SMIM19: variants seen among roughly 807,000 people sequenced by gnomAD.
SMIM19 encodes the protein small integral membrane protein 19.
A neutral mutation model predicts 13.2 loss-of-function variants in SMIM19; 6 were observed. The ratio of observed to expected loss-of-function variants is 0.45; its 90% CI spans 0.25 to 0.90. The LOEUF (loss-of-function observed/expected upper bound fraction) is 0.90, where lower values mean the gene tolerates loss of function less well. SMIM19 is among the 40% of genes least tolerant of loss of function. The probability of loss-of-function intolerance (pLI) is 0.19; values close to 1 mark genes in which losing one functional copy is unlikely to be tolerated. For synonymous variants in SMIM19, 46 were observed against 43.1 expected, an observed-to-expected ratio of 1.07 and a Z score of -0.27; for missense variants, 138 against 131.0, an observed-to-expected ratio of 1.05 and a Z score of -0.26.
At chr8:42,546,661 G>C (rs924796651) in intron 2 of SMIM19, 55 bp downstream of exon 2, 4 of 1,577,128 alleles carry the variant, frequency 2.5e-6, no homozygotes, top group Admixed American at 1.9e-5. Flanking sequence ...AGTTTTGCTA[G>C]TTTAAGAAAT....
rs1488996422 is a variant in SMIM19 at position 42,554,121 on chromosome 8, A to G, written c.*1513A>G. ...AGGGAAATTGCATTTACTTTTAAAA[A>G]TGTGTTGTTCAAAAATGTATATATA... On this transcript the variant is annotated 3_prime_UTR_variant, in exon 4 of 4. Coordinates refer to ENST00000417410, the MANE Select transcript of SMIM19 (RefSeq NM_001135674.2). 1 of 152,256 alleles carries G rather than the reference A, an allele frequency of 6.6e-6. No homozygotes were observed. Among genetic ancestry groups the G allele is most frequent in the Non-Finnish European group, 1.5e-5 (1 of 68,046 alleles). 9.4% of individuals were successfully genotyped at this position (152,256 alleles called of 1,614,324 possible).
At chr8:42,549,135 CG>C (rs975373092) in intron 3 of SMIM19, among the ~76,000 whole-genome samples, 20 of 152,062 alleles carry the variant, frequency 1.3e-4, no homozygotes, top group African/African-American at 4.8e-4. Flanking sequence ...ACATTCTGGC[CG>C]GGAGTGGTGG....
At position 42,548,718 on chromosome 8, in the gene SMIM19, C is replaced by T; in HGVS notation, c.197C>T (p.Pro66Leu). 1 of 1,613,820 alleles carries T rather than the reference C, an allele frequency of 6.2e-7. No individual in the cohort carries two copies. The highest frequency in any genetic ancestry group is 8.5e-7 in the Non-Finnish European group (1 of 1,179,908). The change falls in exon 3 of 4, where the codon CCC (proline) becomes CTC (leucine). Residue 66 changes from proline (P) to leucine (L), a missense_variant. Coordinates refer to ENST00000417410, the MANE Select transcript of SMIM19 (RefSeq NM_001135674.2). ...CCTACAGAGGAAACTTTGTCAGAGC[C>T]CAACTTTTATGACACGATAAGCAAG... ...VPPTEETLSE[P>L]NFYDTISKIR... is the part of the protein sequence containing the mutation.
At chr8:42,543,418 A>C (rs1813350585) in intron 1 of SMIM19, among the ~76,000 whole-genome samples, 1 of 152,212 alleles carries the variant, frequency 6.6e-6, no homozygotes, top group African/African-American at 2.4e-5. Flanking sequence ...CAAATCTTTC[A>C]CAACTACACT....
At chr8:42,549,200 TC>T in intron 3 of SMIM19, among the ~76,000 whole-genome samples, 1 of 151,970 alleles carries the variant, frequency 6.6e-6, no homozygotes, top group Non-Finnish European at 1.5e-5. Flanking sequence ...GATCACAAGG[TC>T]AGGAGTTCAA....
At chr8:42,550,879 C>G (rs1813651224) in intron 3 of SMIM19, among the ~76,000 whole-genome samples, 1 of 152,154 alleles carries the variant, frequency 6.6e-6, no homozygotes, top group Non-Finnish European at 1.5e-5. Context: ...TTTGTCCTGA[C>G]AGAGTCTGGT....
chr8:42,550,885 C>T (rs1301544311), intron 3 of SMIM19, among the ~76,000 whole-genome samples: 1 of 152,152 alleles, frequency 6.6e-6, no homozygotes, highest in Non-Finnish European at 1.5e-5. Context: ...CTGACAGAGT[C>T]TGGTGGTTCC....
At chr8:42,550,927 T>C (rs1462165510) in intron 3 of SMIM19, among the ~76,000 whole-genome samples, 1 of 152,168 alleles carries the variant, frequency 6.6e-6, no homozygotes, top group Admixed American at 6.5e-5. Context: ...CTTTTTTAAA[T>C]AGAAGACTCC....
At chr8:42,547,356 C>A (rs1297676526) in intron 2 of SMIM19, among the ~76,000 whole-genome samples, 12 of 144,594 alleles carry the variant, frequency 8.3e-5, no homozygotes, top group Non-Finnish European at 6.1e-5. Flanking sequence ...GACTCCATCT[C>A]AAAAAAAAAA....
chr8:42,547,148 G>C (rs1586326624), intron 2 of SMIM19, among the ~76,000 whole-genome samples: 1 of 151,702 alleles, frequency 6.6e-6, no homozygotes, highest in East Asian at 1.9e-4. Flanking sequence ...ACCTCCTGAG[G>C]TCAGGAGTTC....
At chr8:42,543,131 G>C (rs1023845577) in intron 1 of SMIM19, among the ~76,000 whole-genome samples, 9 of 152,210 alleles carry the variant, frequency 5.9e-5, no homozygotes, top group African/African-American at 2.2e-4. Context: ...AATAGTTCAA[G>C]CATTACATTA....
Position 42,546,624 on chromosome 8 carries a change from A to G in SMIM19, c.134+18A>G, listed in dbSNP as rs777320697. On this transcript the variant is annotated intron_variant, in intron 2 of 3. Coordinates refer to ENST00000417410, the MANE Select transcript of SMIM19 (RefSeq NM_001135674.2). ...GCCAAAAGGTAAATTTTTGTTTCTC[A>G]GGGTAGATAAAAACTGTGCATTTAC... 4 of 1,598,860 alleles carry G rather than the reference A, an allele frequency of 2.5e-6. No individual in the cohort carries two copies. Among genetic ancestry groups the G allele is most frequent in the Non-Finnish European group, 3.4e-6 (4 of 1,175,932 alleles).
At chr8:42,550,193 C>T (rs1175841730) in intron 3 of SMIM19, among the ~76,000 whole-genome samples, 1 of 152,084 alleles carries the variant, frequency 6.6e-6, no homozygotes, top group Non-Finnish European at 1.5e-5. Context: ...AAGTTATTTG[C>T]TGTCAGTAAT....
chr8:42,542,558 C>A, intron 1 of SMIM19, 185 bp downstream of exon 1: 1 of 818,854 alleles, frequency 1.2e-6, no homozygotes, highest in Non-Finnish European at 1.5e-6. Context: ...ACATTCAAGG[C>A]ACGATGACAA....
Position 42,553,900 on chromosome 8 carries a change from C to G in SMIM19, c.*1292C>G, listed in dbSNP as rs933962675. ...AGGAGGCTGAGGCAGGAGAATTGCT[C>G]GAATCTGAGAGGTGGAGGTTGCAAT... On this transcript the variant is annotated 3_prime_UTR_variant, in exon 4 of 4. Coordinates refer to ENST00000417410, the MANE Select transcript of SMIM19 (RefSeq NM_001135674.2). The G allele has an allele frequency of 1.3e-5, 2 of 151,144 alleles. No individual in the cohort carries two copies. The highest frequency in any genetic ancestry group is 2.4e-5 in the African/African-American group (1 of 41,036). The allele number at this position is 151,144 out of a possible 1,614,324, so 9.4% of individuals were successfully genotyped here.
At chr8:42,551,998 A>G (rs1345419211) in intron 3 of SMIM19, among the ~76,000 whole-genome samples, 1 of 152,258 alleles carries the variant, frequency 6.6e-6, no homozygotes, top group Non-Finnish European at 1.5e-5. Flanking sequence ...TTTTAAAGCT[A>G]TGAATAATCC....
intron 2 of SMIM19, chr8:42,548,344 A>C: frequency 2.1e-6 from 1 of 465,930 alleles, no homozygotes; most frequent in Middle Eastern, 3.2e-4. Flanking sequence ...AGGAAAAATC[A>C]GCTGTTTTCT....
In SMIM19 at chr8:42,542,649, G is replaced by A. The variant is rs73632778; in HGVS notation, c.-5+276G>A. Among the ~76,000 whole-genome samples the A allele has an allele frequency of 5.1e-3, 781 of 152,106 alleles. 10 individuals are homozygous for A. The highest frequency in any genetic ancestry group is 0.018 in the African/African-American group (754 of 41,492). On this transcript the variant is annotated intron_variant, in intron 1 of 3. Transcript: ENST00000417410. ...CACAGATTTTAAAGCTTATGATACA[G>A]TGACCTAGTCCCTAGAAAAAGTAGT...
chr8:42,548,567 C>CCA (rs1418881805), intron 2 of SMIM19, 89 bp from the exon 3 acceptor site: 10 of 1,549,914 alleles, frequency 6.5e-6, no homozygotes, highest in Non-Finnish European at 8.9e-6. Flanking sequence ...AGTCCTTTTA[C>CCA]CACAGCTTCT....
Sources: gnomAD v4.1 joint callset for allele counts (sites outside exome capture counted in the v4.1 genomes callset) on GRCh38, gnomAD v4.1.1 for gene constraint, MANE v1.5 for transcripts, NCBI Gene and HGNC (gene_info 2026-07-23, HGNC 2026-07-21) for gene names.